The following NRG1 variants were observed in gnomAD, a reference collection of about 807,000 sequenced individuals.
NRG1 encodes the protein pro-neuregulin-1, membrane-bound isoform.
A neutral mutation model predicts 63.8 loss-of-function variants in NRG1; 18 were observed. The ratio of observed to expected loss-of-function variants is 0.28; its 90% CI spans 0.19 to 0.42. The LOEUF (loss-of-function observed/expected upper bound fraction) is 0.42, where lower values mean the gene tolerates loss of function less well. NRG1 is among the 10% of genes least tolerant of loss of function. The pLI, the probability that NRG1 is intolerant of heterozygous loss-of-function variation, is 1.00. For missense variants in NRG1, 762 were observed against 814.7 expected, an observed-to-expected ratio of 0.94 and a Z score of 0.79; for synonymous variants, 302 against 301.3, an observed-to-expected ratio of 1.00 and a Z score of -0.02.
chr8:32,760,717 G>A (rs1231036318), intron 11 of NRG1: 1 of 1,137,172 alleles, frequency 8.8e-7, no homozygotes, highest in Non-Finnish European at 1.1e-6. Context: ...GGGTCTCAGT[G>A]TCCTCAGTTG....
intron 1 of NRG1, among the ~76,000 whole-genome samples, chr8:31,782,805 G>A (rs1411552385): frequency 2.0e-5 from 3 of 152,156 alleles, no homozygotes; most frequent in Admixed American, 1.3e-4. Flanking sequence ...CTAAATTGGG[G>A]TCTCGGGTTC....
intron 1 of NRG1, among the ~76,000 whole-genome samples, chr8:32,129,590 A>G (rs1834541013): frequency 6.6e-6 from 1 of 152,048 alleles, no homozygotes; most frequent in South Asian, 2.1e-4. Context: ...CGCTACATTC[A>G]CAGATACTGG....
rs1415012765 is a variant in NRG1, at chr8:31,834,333, A to ACACACACACG, written c.37+194905_37+194906insACACACGCAC. The stretch of plus-strand genomic sequence containing the variant: ...CACACACACACACACACACACACGC[A>ACACACACACG]CACCAATTTGTTTAAAATAAAAAAA... On this transcript the variant is annotated intron_variant, in intron 1 of 10. Coordinates refer to the NRG1 transcript ENST00000519301. 2.1e-3 allele frequency among the ~76,000 whole-genome samples: 323 copies of ACACACACACG among 151,314 alleles called. 2 individuals are homozygous for ACACACACACG. Among genetic ancestry groups the ACACACACACG allele is most frequent in the Non-Finnish European group, 3.4e-3 (231 of 67,674 alleles).
At chr8:32,198,883 A>T (rs1034729262) in intron 1 of NRG1, among the ~76,000 whole-genome samples, 12 of 150,900 alleles carry the variant, frequency 8.0e-5, no homozygotes, top group Non-Finnish European at 1.0e-4. Context: ...CATATATCTT[A>T]ATATATATAT....
chr8:32,603,845 TC>T (rs946094619), intron 2 of NRG1, among the ~76,000 whole-genome samples: 2 of 152,190 alleles, frequency 1.3e-5, no homozygotes, highest in Non-Finnish European at 2.9e-5. Context: ...CCTCTGATGG[TC>T]TTTGCCCTCT....
At chr8:32,071,351 G>A (rs2131034761) in intron 1 of NRG1, among the ~76,000 whole-genome samples, 1 of 152,228 alleles carries the variant, frequency 6.6e-6, no homozygotes, top group South Asian at 2.1e-4. Context: ...AGAGTATTCT[G>A]GTTTTAAAGA....
At position 31,640,707 on chromosome 8, in the gene NRG1, C is replaced by T; in HGVS notation, c.37+1276C>T. On this transcript the variant is annotated intron_variant, in intron 1 of 10. Coordinates refer to the NRG1 transcript ENST00000519301. The surrounding 1 kb of genome is among the most constrained non-coding windows in gnomAD (Gnocchi z 6.3). ...GCCGGAACCTCAAGAAGGAGGTCAGCCGGGTGCTGTGCAAGCGGTGCGGTA... is the reference window on the plus strand; with the variant it reads ...GCCGGAACCTCAAGAAGGAGGTCAGTCGGGTGCTGTGCAAGCGGTGCGGTA... The T allele has an allele frequency of 3.1e-6, 5 of 1,600,268 alleles. No individual in the cohort carries two copies. The highest frequency in any genetic ancestry group is 3.4e-6 in the Non-Finnish European group (4 of 1,174,154).
chr8:31,872,490 GT>G (rs1312087567), intron 1 of NRG1, among the ~76,000 whole-genome samples: 1 of 152,120 alleles, frequency 6.6e-6, no homozygotes, highest in Non-Finnish European at 1.5e-5. Flanking sequence ...GCATCTGTTA[GT>G]TTTCAACATT....
intron 1 of NRG1, among the ~76,000 whole-genome samples, chr8:32,112,837 C>T (rs950417028): frequency 6.6e-6 from 1 of 152,130 alleles, no homozygotes; most frequent in African/African-American, 2.4e-5. Flanking sequence ...TCAGACACAC[C>T]AGGCTGGTTT....
intron 1 of NRG1, among the ~76,000 whole-genome samples, chr8:31,974,838 A>G (rs1807893975): frequency 1.3e-5 from 2 of 152,230 alleles, no homozygotes; most frequent in Non-Finnish European, 1.5e-5. Context: ...AAGACTCTAA[A>G]GAGAGTCCTT....
chr8:32,381,698 T>A (rs1178258235), intron 1 of NRG1, among the ~76,000 whole-genome samples: 1 of 152,194 alleles, frequency 6.6e-6, no homozygotes, highest in Non-Finnish European at 1.5e-5. Context: ...TGGCTCACAA[T>A]TATAAATCAG....
At chr8:32,207,610 A>C (rs780765010) in intron 1 of NRG1, among the ~76,000 whole-genome samples, 10 of 152,208 alleles carry the variant, frequency 6.6e-5, no homozygotes, top group South Asian at 4.1e-4. Context: ...TAAATCTAGC[A>C]AAACTATGCA....
chr8:32,421,174 A>G (rs1212375984), intron 1 of NRG1, among the ~76,000 whole-genome samples: 1 of 152,142 alleles, frequency 6.6e-6, no homozygotes, highest in Non-Finnish European at 1.5e-5. Flanking sequence ...AAGTACAACA[A>G]TTTTTTCCAA....
chr8:31,815,705 A>G (rs1371765401), intron 1 of NRG1, among the ~76,000 whole-genome samples: 1 of 152,218 alleles, frequency 6.6e-6, no homozygotes, highest in Non-Finnish European at 1.5e-5. Flanking sequence ...TTGCATTCCC[A>G]CCAACAATAT....
At chr8:31,992,394 A>C (rs1811247976) in intron 1 of NRG1, among the ~76,000 whole-genome samples, 1 of 151,994 alleles carries the variant, frequency 6.6e-6, no homozygotes, top group Non-Finnish European at 1.5e-5. Flanking sequence ...TGCTTGCCTG[A>C]TACTGAACTC....
chr8:32,317,676 A>G (rs1012255335), intron 1 of NRG1, among the ~76,000 whole-genome samples: 1 of 152,238 alleles, frequency 6.6e-6, no homozygotes, highest in Non-Finnish European at 1.5e-5. Context: ...GTACACAAAG[A>G]CAAAACAGAA....
intron 1 of NRG1, among the ~76,000 whole-genome samples, chr8:32,032,079 A>G (rs1818339302): frequency 6.6e-6 from 1 of 152,178 alleles, no homozygotes; most frequent in Non-Finnish European, 1.5e-5. Flanking sequence ...ACATTGTAAA[A>G]GCATTCCTAT....
At chr8:31,730,373 T>C (rs1332333863) in intron 1 of NRG1, among the ~76,000 whole-genome samples, 1 of 152,114 alleles carries the variant, frequency 6.6e-6, no homozygotes, top group Non-Finnish European at 1.5e-5. Flanking sequence ...ATAAAGATGT[T>C]CTAATGAGGG....
intron 1 of NRG1, among the ~76,000 whole-genome samples, chr8:32,242,041 C>T (rs1019715889): frequency 4.6e-5 from 7 of 152,220 alleles, no homozygotes; most frequent in Admixed American, 4.6e-4. Flanking sequence ...GTGTGAGCCT[C>T]CACACCAGGC....
Sources: allele counts gnomAD v4.1 joint callset (sites outside exome capture counted in the v4.1 genomes callset), GRCh38; gene constraint gnomAD v4.1.1; non-coding constraint Gnocchi (gnomAD v3.1); transcripts MANE v1.5; gene names NCBI Gene and HGNC (gene_info 2026-07-23, HGNC 2026-07-21).